The following AGBL4 variants were observed in gnomAD, a reference collection of about 807,000 sequenced individuals.
AGBL4 encodes the protein cytosolic carboxypeptidase 6.
AGBL4 carries 58 observed loss-of-function variants against 66.4 expected under a neutral mutation model. The observed-to-expected ratio is 0.87, with a 90% confidence interval of 0.71 to 1.09. The LOEUF (loss-of-function observed/expected upper bound fraction) is 1.09. AGBL4 is among the 50% of genes least tolerant of loss of function. The pLI is 0.00. For synonymous variants in AGBL4, 234 were observed against 222.9 expected (o/e 1.05, Z -0.44); for missense variants, 579 against 631.0 (o/e 0.92, Z 0.88).
At chr1:49,832,287 A>G (rs1190898542) in intron 2 of AGBL4, among the ~76,000 whole-genome samples, 5 of 150,782 alleles carry the variant, frequency 3.3e-5, no homozygotes, top group Non-Finnish European at 4.4e-5. Context: ...GAGAATGATG[A>G]TTTCCAATTT....
chr1:48,824,655 C>T (rs1558020438), intron 6 of AGBL4, among the ~76,000 whole-genome samples: 1 of 152,098 alleles, frequency 6.6e-6, no homozygotes, highest in African/African-American at 2.4e-5. Flanking sequence ...AAGGAACAAA[C>T]AAGATCCCAG....
chr1:49,104,441 G>A (rs1407780850), intron 4 of AGBL4, among the ~76,000 whole-genome samples: 1 of 152,124 alleles, frequency 6.6e-6, no homozygotes, highest in East Asian at 1.9e-4. Context: ...GCGGACAAAA[G>A]CACGAGGATG....
At chr1:49,787,502 C>CAAA (rs201411173) in intron 2 of AGBL4, among the ~76,000 whole-genome samples, 3 of 74,494 alleles carry the variant, frequency 4.0e-5, no homozygotes, top group South Asian at 9.4e-4. Context: ...GACTCTGTCT[C>CAAA]AAAAAAAAAA....
chr1:49,417,458 G>T (rs1645451115), intron 3 of AGBL4, among the ~76,000 whole-genome samples: 1 of 152,026 alleles, frequency 6.6e-6, no homozygotes, highest in South Asian at 2.1e-4. Flanking sequence ...GATCCAAAAA[G>T]GGCATTCATA....
chr1:49,592,831 A>G (rs1392341766), intron 3 of AGBL4, among the ~76,000 whole-genome samples: 2 of 152,182 alleles, frequency 1.3e-5, no homozygotes, highest in Non-Finnish European at 2.9e-5. Context: ...CAGTTTGAAG[A>G]TTTCTCAAGT....
At chr1:49,501,585 T>C (rs758688703) in intron 3 of AGBL4, among the ~76,000 whole-genome samples, 1 of 152,060 alleles carries the variant, frequency 6.6e-6, no homozygotes, top group African/African-American at 2.4e-5. Flanking sequence ...ATTTATCTTT[T>C]CAAAAAACCA....
chr1:49,120,930 G>A lies in AGBL4; in HGVS notation c.378-75130C>T, dbSNP rs535845872. Among the ~76,000 whole-genome samples, 256 of 148,566 alleles carry A rather than the reference G, an allele frequency of 1.7e-3. 1 individual carries two copies. The highest frequency in any genetic ancestry group is 3.1e-3 in the Non-Finnish European group (209 of 67,854). On this transcript the variant is annotated intron_variant, in intron 4 of 13. Coordinates refer to ENST00000371839, the MANE Select transcript of AGBL4 (RefSeq NM_032785.4). Reference sequence around the variant, plus strand: ...TTTTTCCTCTTTTTCCTCTAACCTTGCCTTCTTGCTTTATTTCATTAATTT... The same window carrying A: ...TTTTTCCTCTTTTTCCTCTAACCTTACCTTCTTGCTTTATTTCATTAATTT...
chr1:49,803,531 A>G (rs1644910517), intron 2 of AGBL4, among the ~76,000 whole-genome samples: 1 of 152,184 alleles, frequency 6.6e-6, no homozygotes, highest in Admixed American at 6.6e-5. Flanking sequence ...AATTAAATAG[A>G]ATTTTATAAA....
At chr1:48,705,401 A>C (rs1229276849) in intron 6 of AGBL4, among the ~76,000 whole-genome samples, 1 of 152,218 alleles carries the variant, frequency 6.6e-6, no homozygotes, top group Non-Finnish European at 1.5e-5. Context: ...TGCAACTTAC[A>C]AGAGATAAAT....
intron 2 of AGBL4, among the ~76,000 whole-genome samples, chr1:49,828,888 G>T (rs1645580596): frequency 6.6e-6 from 1 of 152,038 alleles, no homozygotes; most frequent in African/African-American, 2.4e-5. Flanking sequence ...GGCTAACACG[G>T]TGAAACCCGT....
At chr1:48,658,144 CT>C (rs1171619171) in intron 7 of AGBL4, among the ~76,000 whole-genome samples, 1 of 152,218 alleles carries the variant, frequency 6.6e-6, no homozygotes, top group Non-Finnish European at 1.5e-5. Flanking sequence ...TGTGGCATCG[CT>C]TGCTGAGTGC....
At chr1:49,501,023 G>C (rs1648105284) in intron 3 of AGBL4, among the ~76,000 whole-genome samples, 1 of 151,998 alleles carries the variant, frequency 6.6e-6, no homozygotes, top group Non-Finnish European at 1.5e-5. Flanking sequence ...AAATGTATTT[G>C]TTTGTATAGT....
At chr1:49,100,594 A>AGT (rs1645183710) in intron 4 of AGBL4, among the ~76,000 whole-genome samples, 1 of 152,168 alleles carries the variant, frequency 6.6e-6, no homozygotes, top group African/African-American at 2.4e-5. Context: ...TCGGGGTAGA[A>AGT]GTCAAGTCAG....
At chr1:48,846,129 A>C (rs1356235682) in intron 6 of AGBL4, among the ~76,000 whole-genome samples, 1 of 152,114 alleles carries the variant, frequency 6.6e-6, no homozygotes, top group African/African-American at 2.4e-5. Context: ...AGCTATCATC[A>C]GAGAGAATTC....
At chr1:48,647,073 T>TAC (rs1645849726) in intron 8 of AGBL4, among the ~76,000 whole-genome samples, 1 of 152,154 alleles carries the variant, frequency 6.6e-6, no homozygotes, top group Admixed American at 6.5e-5. Flanking sequence ...AAACCTTAGT[T>TAC]ATACTGGATT....
intron 1 of AGBL4, among the ~76,000 whole-genome samples, chr1:49,899,355 G>C (rs1201438441): frequency 6.6e-6 from 1 of 151,928 alleles, no homozygotes; most frequent in Non-Finnish European, 1.5e-5. Flanking sequence ...TAATTTAATT[G>C]TACATTTAAA....
chr1:49,865,823 G>T, intron 1 of AGBL4: 1 of 213,310 alleles, frequency 4.7e-6, no homozygotes, highest in South Asian at 6.5e-5. Context: ...AGCTAAAGGA[G>T]CATGTTCTAA....
chr1:49,112,805 T>C (rs1645439295), intron 4 of AGBL4, among the ~76,000 whole-genome samples: 1 of 152,200 alleles, frequency 6.6e-6, no homozygotes, highest in Non-Finnish European at 1.5e-5. Context: ...CTAGTTATCT[T>C]GACATTTCCA....
At chr1:49,554,864 G>A (rs1653282745) in intron 3 of AGBL4, among the ~76,000 whole-genome samples, 1 of 152,060 alleles carries the variant, frequency 6.6e-6, no homozygotes, top group African/African-American at 2.4e-5. Flanking sequence ...AGCTCTTAAA[G>A]GCGGCGCGTC....
Sources: gnomAD v4.1 joint callset for allele counts (sites outside exome capture counted in the v4.1 genomes callset) on GRCh38, gnomAD v4.1.1 for gene constraint, MANE v1.5 for transcripts, NCBI Gene and HGNC (gene_info 2026-07-23, HGNC 2026-07-21) for gene names.